RANBP2: variants seen among roughly 807,000 people sequenced by gnomAD.
The protein encoded by RANBP2 is E3 SUMO-protein ligase RanBP2.
RANBP2 carries 57 observed loss-of-function variants against 303.6 expected under a neutral mutation model. The ratio of observed to expected loss-of-function variants is 0.19; its 90% CI spans 0.15 to 0.23. The LOEUF (loss-of-function observed/expected upper bound fraction) is 0.23. Ranked by LOEUF, RANBP2 falls within the 10% of genes least tolerant of loss-of-function variation. The probability of loss-of-function intolerance (pLI) is 1.00; values close to 1 mark genes in which losing one functional copy is unlikely to be tolerated. For missense variants in RANBP2, 3,138 were observed against 3,780.8 expected, an observed-to-expected ratio of 0.83 and a Z score of 4.46; for synonymous variants, 1,167 against 1,301.5, an observed-to-expected ratio of 0.90 and a Z score of 2.23.
the RANBP2 span, among the ~76,000 whole-genome samples, chr2:109,468,728 C>T: frequency 6.6e-6 from 1 of 151,720 alleles, no homozygotes; most frequent in African/African-American, 2.4e-5. Flanking sequence ...GTGGCGGGCA[C>T]CTGTAATCCC....
chr2:109,398,870 T>G, the RANBP2 span: 1 of 1,613,892 alleles, frequency 6.2e-7, no homozygotes, highest in Non-Finnish European at 8.5e-7. Flanking sequence ...CCAGTGTTGA[T>G]CAGCTCCAGC....
intron 3 of RANBP2, 79 bp from the exon 4 acceptor site, chr2:108,731,243 C>G (rs567786768): frequency 1.3e-6 from 2 of 1,539,008 alleles, no homozygotes; most frequent in Admixed American, 2.0e-5. Context: ...ATTTTTTAAC[C>G]TTTATATATA....
At chr2:109,610,433 G>A in the RANBP2 span, among the ~76,000 whole-genome samples, 2 of 152,128 alleles carry the variant, frequency 1.3e-5, no homozygotes, top group Non-Finnish European at 2.9e-5. Flanking sequence ...AAAAGGTCTG[G>A]GCCGGGCATG....
chr2:109,554,334 C>T, the RANBP2 span, among the ~76,000 whole-genome samples: 1 of 152,166 alleles, frequency 6.6e-6, no homozygotes, highest in Non-Finnish European at 1.5e-5. Flanking sequence ...TATTGTCCTA[C>T]ATTTGTGTAT....
the RANBP2 span, chr2:109,567,825 G>C: frequency 6.2e-7 from 1 of 1,601,678 alleles, no homozygotes. Context: ...ATTCATTGCA[G>C]CGTTGACCTT....
At chr2:108,908,333 T>C in the RANBP2 span, among the ~76,000 whole-genome samples, 1 of 152,172 alleles carries the variant, frequency 6.6e-6, no homozygotes, top group East Asian at 1.9e-4. Flanking sequence ...TGACACACAA[T>C]GGATGCTCCG....
the RANBP2 span, among the ~76,000 whole-genome samples, chr2:109,729,458 C>A: frequency 6.6e-6 from 1 of 152,086 alleles, no homozygotes; most frequent in East Asian, 1.9e-4. Context: ...CCCAGCCTGG[C>A]CAACATGGCG....
the RANBP2 span, among the ~76,000 whole-genome samples, chr2:109,051,250 GA>G: frequency 3.3e-5 from 5 of 152,236 alleles, no homozygotes; most frequent in Admixed American, 2.0e-4. Context: ...GCTGTCTGCA[GA>G]AGGCTTTTGT....
At chr2:109,408,900 G>A in the RANBP2 span, among the ~76,000 whole-genome samples, 5 of 152,214 alleles carry the variant, frequency 3.3e-5, no homozygotes, top group East Asian at 3.9e-4. Flanking sequence ...GGCAACAGGC[G>A]AGTGAGAGCT....
At chr2:109,034,420 C>T in the RANBP2 span, among the ~76,000 whole-genome samples, 4 of 151,918 alleles carry the variant, frequency 2.6e-5, no homozygotes, top group Admixed American at 6.6e-5. Context: ...AAGAGACTGG[C>T]GTTTAGGGAA....
At chr2:109,128,988 G>C in the RANBP2 span, 3 of 424,854 alleles carry the variant, frequency 7.1e-6, no homozygotes, top group Admixed American at 7.8e-5. Flanking sequence ...CCGCGCACGT[G>C]CTCGCGGCCG....
At chr2:108,925,562 T>C in the RANBP2 span, among the ~76,000 whole-genome samples, 10,820 of 152,254 alleles carry the variant, frequency 0.071, 1,310 homozygotes, top group African/African-American at 0.25. Flanking sequence ...GTCATGTGTA[T>C]GGGTCAAGCT....
At chr2:109,584,957 A>G in the RANBP2 span, among the ~76,000 whole-genome samples, 5 of 152,338 alleles carry the variant, frequency 3.3e-5, no homozygotes, top group South Asian at 1.0e-3. Flanking sequence ...AAAAATGTCA[A>G]TGTGCTAATA....
the RANBP2 span, among the ~76,000 whole-genome samples, chr2:109,207,713 A>AGG: frequency 6.6e-6 from 1 of 152,190 alleles, no homozygotes; most frequent in Non-Finnish European, 1.5e-5. Context: ...ACATTTGTAT[A>AGG]GGAAGACTTA....
chr2:109,372,181 G>C, the RANBP2 span, among the ~76,000 whole-genome samples: 1 of 152,248 alleles, frequency 6.6e-6, no homozygotes, highest in Non-Finnish European at 1.5e-5. Context: ...AGGCACCACA[G>C]CAAAGGTGTT....
At chr2:109,013,872 C>T in the RANBP2 span, among the ~76,000 whole-genome samples, 83,165 of 152,044 alleles carry the variant, frequency 0.55, 24,430 homozygotes, top group East Asian at 0.84. Flanking sequence ...CCACCACACC[C>T]GGCCCTTTCC....
the RANBP2 span, among the ~76,000 whole-genome samples, chr2:109,685,696 G>C: frequency 4.0e-4 from 61 of 152,340 alleles, no homozygotes; most frequent in African/African-American, 1.3e-3. Context: ...ATGTGGATTG[G>C]GGTTGCTGGT....
At chr2:108,812,859 A>G in the RANBP2 span, 2 of 1,613,588 alleles carry the variant, frequency 1.2e-6, no homozygotes, top group Admixed American at 1.7e-5. Flanking sequence ...ATTGAAAGGA[A>G]GTTCCCATGC....
chr2:109,323,215 C>T, the RANBP2 span, among the ~76,000 whole-genome samples: 2 of 152,108 alleles, frequency 1.3e-5, no homozygotes, highest in Non-Finnish European at 1.5e-5. Context: ...GGGCCGGGGG[C>T]CATCAGGACC....
Sources: allele counts gnomAD v4.1 joint callset (sites outside exome capture counted in the v4.1 genomes callset), GRCh38; gene constraint gnomAD v4.1.1; transcripts MANE v1.5; gene names NCBI Gene and HGNC (gene_info 2026-07-23, HGNC 2026-07-21).